AGBL4: variants seen among roughly 807,000 people sequenced by gnomAD.
AGBL4 encodes the protein AGBL carboxypeptidase 4.
Under a neutral mutation model 66.4 loss-of-function variants are expected in AGBL4, and 58 were observed. The observed-to-expected ratio is 0.87, with a 90% CI of 0.71 to 1.09. The LOEUF (loss-of-function observed/expected upper bound fraction) is 1.09. Ranked by LOEUF, AGBL4 falls within the 50% of genes least tolerant of loss-of-function variation. AGBL4 has a pLI of 0.00. For synonymous variants in AGBL4, 234 were observed against 222.9 expected (o/e 1.05, Z -0.44); for missense variants, 579 against 631.0 (o/e 0.92, Z 0.88).
intron 1 of AGBL4, among the ~76,000 whole-genome samples, chr1:49,921,465 T>C (rs1652240294): frequency 6.6e-6 from 1 of 152,126 alleles, no homozygotes; most frequent in Non-Finnish European, 1.5e-5. Flanking sequence ...ATAGGATATA[T>C]GTATATTTGA....
At chr1:49,107,777 C>T (rs1569583691) in intron 4 of AGBL4, among the ~76,000 whole-genome samples, 1 of 148,806 alleles carries the variant, frequency 6.7e-6, no homozygotes, top group East Asian at 2.1e-4. Flanking sequence ...GAATTCCTTG[C>T]CTGGGTCAAT....
At chr1:49,606,380 A>G (rs771570684) in intron 3 of AGBL4, among the ~76,000 whole-genome samples, 3 of 152,140 alleles carry the variant, frequency 2.0e-5, no homozygotes, top group Non-Finnish European at 2.9e-5. Context: ...TTCACTGTGG[A>G]TAAGTGTTCG....
rs372949084 is a variant in AGBL4, at chr1:49,917,642, T to G, written c.35-66124A>C. 3.2e-4 allele frequency among the ~76,000 whole-genome samples: 49 copies of G among 152,134 alleles called. 1 individual carries two copies. In the South Asian group the frequency reaches 9.4e-3, roughly 29 times the overall value. The stretch of plus-strand genomic sequence containing the variant: ...TCCCACACAATAATAATGGGAGACT[T>G]TAACACCCCACTGTCAACAACAGAC... On this transcript the variant is annotated intron_variant, in intron 1 of 13. Coordinates refer to ENST00000371839, the MANE Select transcript of AGBL4 (RefSeq NM_032785.4).
At chr1:48,944,867 T>C (rs1354780527) in intron 5 of AGBL4, among the ~76,000 whole-genome samples, 2 of 152,210 alleles carry the variant, frequency 1.3e-5, no homozygotes, top group Non-Finnish European at 2.9e-5. Context: ...ATTCAGGACA[T>C]AATACAGTTT....
At chr1:48,764,976 C>T (rs1005768832) in intron 6 of AGBL4, among the ~76,000 whole-genome samples, 4 of 152,144 alleles carry the variant, frequency 2.6e-5, no homozygotes, top group African/African-American at 9.7e-5. Flanking sequence ...GACAGGAGGC[C>T]TCATTCCCCC....
At chr1:48,695,318 G>A (rs1377641270) in intron 6 of AGBL4, among the ~76,000 whole-genome samples, 1 of 152,184 alleles carries the variant, frequency 6.6e-6, no homozygotes, top group African/African-American at 2.4e-5. Context: ...GACAAGCAGG[G>A]TTGGGGGAGA....
chr1:48,687,975 CT>C (rs773479049), intron 6 of AGBL4, among the ~76,000 whole-genome samples: 5 of 152,244 alleles, frequency 3.3e-5, no homozygotes, highest in Non-Finnish European at 7.3e-5. Flanking sequence ...TCATTACCCC[CT>C]GATGTGTATA....
chr1:48,544,697 T>C (rs539753263), intron 11 of AGBL4, among the ~76,000 whole-genome samples: 1 of 152,264 alleles, frequency 6.6e-6, no homozygotes, highest in South Asian at 2.1e-4. Flanking sequence ...CGAGCCTCCA[T>C]GTGAGCAGTC....
chr1:49,520,913 A>G (rs532042735), intron 3 of AGBL4, among the ~76,000 whole-genome samples: 2 of 151,686 alleles, frequency 1.3e-5, no homozygotes, highest in South Asian at 4.2e-4. Flanking sequence ...AGTTCAAGCA[A>G]TTCTCCTGCC....
chr1:48,544,525 G>T (rs1046401475), intron 11 of AGBL4, among the ~76,000 whole-genome samples: 2 of 152,160 alleles, frequency 1.3e-5, no homozygotes, highest in African/African-American at 4.8e-5. Flanking sequence ...CTTCCACTGA[G>T]TAGTATACTT....
At chr1:49,631,284 GAATCCACTCTTCTA>G (rs1645564940) in intron 3 of AGBL4, among the ~76,000 whole-genome samples, 1 of 152,104 alleles carries the variant, frequency 6.6e-6, no homozygotes, top group Non-Finnish European at 1.5e-5. Context: ...CTTCTCCTCT[GAATCCACTCTTCTA>G]CTGCAGGAGA....
chr1:49,495,823 G>A (rs545431558), intron 3 of AGBL4, among the ~76,000 whole-genome samples: 2 of 152,088 alleles, frequency 1.3e-5, no homozygotes, highest in African/African-American at 2.4e-5. Flanking sequence ...ATGCCCACAA[G>A]GAATCAGAGG....
intron 6 of AGBL4, among the ~76,000 whole-genome samples, chr1:48,700,441 G>A (rs960040818): frequency 2.0e-5 from 3 of 152,222 alleles, no homozygotes; most frequent in African/African-American, 7.2e-5. Context: ...AGGGAAGTCT[G>A]CCATATGTGG....
In AGBL4 at chr1:48,692,077, T is replaced by C. The variant is rs1646641727; in HGVS notation, c.635-28836A>G. The stretch of plus-strand genomic sequence containing the variant: ...CTACTAGGAAGAATCTGAAGTTTTA[T>C]TGTAAAACAAGTTTCTAAAGATTTT... On this transcript the variant is annotated intron_variant, in intron 6 of 13. Transcript: ENST00000371839. Among the ~76,000 whole-genome samples the C allele has an allele frequency of 2.6e-5, 4 of 152,204 alleles. No homozygotes were observed. The South Asian group carries it at 6.2e-4, about 24-fold the overall frequency.
intron 2 of AGBL4, among the ~76,000 whole-genome samples, chr1:49,815,645 G>T (rs1421033839): frequency 2.0e-5 from 3 of 151,942 alleles, no homozygotes. Context: ...TATATGAGGG[G>T]GTCCCTTTTT....
At chr1:49,665,970 T>A (rs1344300032) in intron 3 of AGBL4, among the ~76,000 whole-genome samples, 2 of 151,450 alleles carry the variant, frequency 1.3e-5, no homozygotes, top group Non-Finnish European at 2.9e-5. Context: ...AAATCTTTTT[T>A]AAATTTTTAA....
chr1:48,623,334 C>T (rs1645446769), intron 9 of AGBL4, among the ~76,000 whole-genome samples: 1 of 152,202 alleles, frequency 6.6e-6, no homozygotes, highest in African/African-American at 2.4e-5. Flanking sequence ...AAGGCCAGGC[C>T]ATACCCAAGC....
At chr1:48,940,604 G>A (rs1405814072) in intron 5 of AGBL4, among the ~76,000 whole-genome samples, 2 of 152,162 alleles carry the variant, frequency 1.3e-5, no homozygotes, top group African/African-American at 4.8e-5. Context: ...ACAGACACTG[G>A]CCAGGGTACT....
rs573338607 is a variant in AGBL4 at position 49,761,278 on chromosome 1, TATTGTAAAAATA to T, written c.158-63853_158-63842del. 1.4e-3 allele frequency among the ~76,000 whole-genome samples: 210 copies of T among 152,264 alleles called. 1 individual carries two copies. Among genetic ancestry groups the T allele is most frequent in the African/African-American group, 4.7e-3 (197 of 41,576 alleles). ...AAGAAGGCTATCATACTTTCTTATCTATTGTAAAAATAAATATAAATATTACTTTATTGTAAA... is the reference window on the plus strand; with the variant it reads ...AAGAAGGCTATCATACTTTCTTATCTAATATAAATATTACTTTATTGTAAA... On this transcript the variant is annotated intron_variant, in intron 2 of 13. Transcript: ENST00000371839.
Sources: gnomAD v4.1 joint callset for allele counts (sites outside exome capture counted in the v4.1 genomes callset) on GRCh38, gnomAD v4.1.1 for gene constraint, MANE v1.5 for transcripts, NCBI Gene and HGNC (gene_info 2026-07-23, HGNC 2026-07-21) for gene names.